Variants in GABRA3 observed in about 807,000 individuals in gnomAD.
The protein encoded by GABRA3 is gamma-aminobutyric acid type A receptor subunit alpha3.
Under a neutral mutation model 30.1 loss-of-function variants are expected in GABRA3, and 10 were observed. The ratio of observed to expected loss-of-function variants is 0.33; its 90% CI spans 0.20 to 0.56. The LOEUF (loss-of-function observed/expected upper bound fraction) is 0.56. Ranked by LOEUF, GABRA3 falls within the 20% of genes least tolerant of loss-of-function variation. The pLI is 0.89. For missense variants in GABRA3, 233 were observed against 392.0 expected (o/e 0.59, Z 3.42); for synonymous variants, 151 against 146.8 (o/e 1.03, Z -0.21).
chrX:152,228,723 T>G (rs998878365), intron 5 of GABRA3, among the ~76,000 whole-genome samples: 1 of 111,433 alleles, frequency 9.0e-6, no homozygotes, highest in African/African-American at 3.3e-5. Flanking sequence ...GGTGGAGCAT[T>G]GCAGGCTAGC....
At chrX:152,325,255 C>T (rs754801478) in intron 3 of GABRA3, among the ~76,000 whole-genome samples, 3 of 111,584 alleles carry the variant, frequency 2.7e-5, no homozygotes, top group East Asian at 2.8e-4. Context: ...CTAAGATGGC[C>T]GAATAGGAAC....
rs554952155 is a variant in GABRA3, at chrX:152,190,151, T to C, written c.932-210A>G. ...CCATCCCAATTGGCAGAAGACTATA[T>C]AGGCATCTGCAATGGATTACATTTA... On this transcript the variant is annotated intron_variant, in intron 8 of 9. Coordinates refer to ENST00000370314, the MANE Select transcript of GABRA3 (RefSeq NM_000808.4). Among the ~76,000 whole-genome samples, 7 of 111,696 alleles carry C rather than the reference T, an allele frequency of 6.3e-5. No individual in the cohort carries two copies. In the Middle Eastern group the frequency reaches 0.019, roughly 295 times the overall value.
At chrX:152,249,129 A>T (rs1214914847) in intron 5 of GABRA3, among the ~76,000 whole-genome samples, 2 of 110,485 alleles carry the variant, frequency 1.8e-5, no homozygotes, top group African/African-American at 6.6e-5. Context: ...CCAAAATCTT[A>T]TTACTCCTCT....
intron 3 of GABRA3, among the ~76,000 whole-genome samples, chrX:152,302,638 T>C (rs1027354938): frequency 9.0e-6 from 1 of 110,968 alleles, no homozygotes; most frequent in Non-Finnish European, 1.9e-5. Flanking sequence ...CCAAGGTATA[T>C]GGTGACGCTG....
intron 4 of GABRA3, among the ~76,000 whole-genome samples, chrX:152,262,750 T>C (rs1190192317): frequency 8.9e-6 from 1 of 111,875 alleles, no homozygotes; most frequent in Non-Finnish European, 1.9e-5. Context: ...TTCTTTCTTC[T>C]TCTGAGACCT....
At chrX:152,320,706 C>T (rs929754834) in intron 3 of GABRA3, among the ~76,000 whole-genome samples, 1 of 110,906 alleles carries the variant, frequency 9.0e-6, no homozygotes, top group African/African-American at 3.3e-5. Context: ...CACCTGTTCC[C>T]CCAAAGCCTA....
intron 4 of GABRA3, among the ~76,000 whole-genome samples, chrX:152,284,342 C>T (rs931965287): frequency 1.8e-5 from 2 of 111,278 alleles, no homozygotes; most frequent in African/African-American, 6.5e-5. Context: ...CCTACCTGTA[C>T]CAATATGTGT....
In GABRA3 at chrX:152,235,339, C is replaced by T. The variant is rs1356069869; in HGVS notation, c.552-10494G>A. Reference sequence around the variant, plus strand: ...TCCTGAAACGACTGAATTCATTTATCAAATTTAGGAGTCTTTTGGTAGAGT... The same window carrying T: ...TCCTGAAACGACTGAATTCATTTATTAAATTTAGGAGTCTTTTGGTAGAGT... On this transcript the variant is annotated intron_variant, in intron 5 of 9. Coordinates refer to ENST00000370314, the MANE Select transcript of GABRA3 (RefSeq NM_000808.4). 2.7e-5 allele frequency among the ~76,000 whole-genome samples: 3 copies of T among 111,433 alleles called. No homozygotes were observed. In the East Asian group the frequency reaches 8.5e-4, roughly 31 times the overall value.
At chrX:152,386,603 T>C (rs1603252324) in intron 1 of GABRA3, among the ~76,000 whole-genome samples, 1 of 107,361 alleles carries the variant, frequency 9.3e-6, no homozygotes, top group Non-Finnish European at 1.9e-5. Flanking sequence ...TGAGATACCA[T>C]CTCACACCAG....
chrX:152,274,796 C>A (rs1472446182), intron 4 of GABRA3, among the ~76,000 whole-genome samples: 1 of 108,465 alleles, frequency 9.2e-6, no homozygotes, highest in East Asian at 2.9e-4. Context: ...AGAGATGATC[C>A]AGATAAGAGC....
chrX:152,394,767 CATGAAAAAGGGGATAGAT>C (rs761157726), intron 1 of GABRA3, among the ~76,000 whole-genome samples: 3 of 111,376 alleles, frequency 2.7e-5, no homozygotes, highest in Non-Finnish European at 5.7e-5. Context: ...TCAATTCATA[CATGAAAAAGGGGATAGAT>C]ATGGTATCCC....
intron 3 of GABRA3, among the ~76,000 whole-genome samples, chrX:152,343,368 G>T (rs1255881279): frequency 9.2e-6 from 1 of 109,121 alleles, no homozygotes; most frequent in Non-Finnish European, 1.9e-5. Flanking sequence ...ATTTCTTTGT[G>T]GTTGTTTAAG....
At chrX:152,421,995 C>G (rs1341524321) in intron 1 of GABRA3, among the ~76,000 whole-genome samples, 2 of 111,281 alleles carry the variant, frequency 1.8e-5, no homozygotes, top group Non-Finnish European at 3.8e-5. Context: ...TTGGCAGTAT[C>G]TAATAAGTTG....
intron 1 of GABRA3, among the ~76,000 whole-genome samples, chrX:152,406,407 G>T (rs1466169386): frequency 3.7e-5 from 4 of 107,716 alleles, no homozygotes; most frequent in Non-Finnish European, 7.7e-5. Context: ...CCATGCAAAT[G>T]GAAACCCAAA....
Position 152,251,907 on chromosome X carries a change from A to G in GABRA3, c.551+3871T>C, listed in dbSNP as rs73621191. The stretch of plus-strand genomic sequence containing the variant: ...ATATAACCTCATAACCTTTCATGCA[A>G]TGTGAGAAGAGGTGTCCCTCTTCCT... On this transcript the variant is annotated intron_variant, in intron 5 of 9. Coordinates refer to ENST00000370314, the MANE Select transcript of GABRA3 (RefSeq NM_000808.4). Among the ~76,000 whole-genome samples the G allele has an allele frequency of 7.1e-3, 786 of 110,594 alleles. 9 individuals carry two copies. The highest frequency in any genetic ancestry group is 0.025 in the African/African-American group (756 of 30,491).
intron 1 of GABRA3, among the ~76,000 whole-genome samples, chrX:152,424,412 C>T (rs1485036025): frequency 9.0e-6 from 1 of 111,466 alleles, no homozygotes; most frequent in Non-Finnish European, 1.9e-5. Flanking sequence ...AATAACTAAG[C>T]ATCTACTTTG....
chrX:152,363,852 C>T (rs1928577819), intron 2 of GABRA3, among the ~76,000 whole-genome samples: 1 of 111,764 alleles, frequency 8.9e-6, no homozygotes, highest in Non-Finnish European at 1.9e-5. Flanking sequence ...AATATTGGAA[C>T]GTAAGAACAG....
intron 3 of GABRA3, among the ~76,000 whole-genome samples, chrX:152,321,139 A>T (rs746583222): frequency 9.0e-6 from 1 of 111,458 alleles, no homozygotes; most frequent in Non-Finnish European, 1.9e-5. Flanking sequence ...GAGAATAAGA[A>T]GGAAAAGATA....
At chrX:152,240,101 A>G (rs1468450225) in intron 5 of GABRA3, among the ~76,000 whole-genome samples, 1 of 98,882 alleles carries the variant, frequency 1.0e-5, no homozygotes, top group Non-Finnish European at 2.0e-5. Flanking sequence ...GATGGTCTTT[A>G]CATTTTGGCA....
Sources: allele counts gnomAD v4.1 joint callset (sites outside exome capture counted in the v4.1 genomes callset), GRCh38; gene constraint gnomAD v4.1.1; transcripts MANE v1.5; gene names NCBI Gene and HGNC (gene_info 2026-07-23, HGNC 2026-07-21).